TRPM3: variants seen among roughly 807,000 people sequenced by gnomAD.
TRPM3 encodes transient receptor potential cation channel subfamily M member 3, also known as long transient receptor potential channel 3.
TRPM3 carries 77 observed loss-of-function variants against 181.2 expected under a neutral mutation model. That is an observed-to-expected ratio of 0.42 (90% CI 0.35 to 0.51). TRPM3 has a LOEUF of 0.51. Ranked by LOEUF, TRPM3 falls within the 20% of genes least tolerant of loss-of-function variation. TRPM3 has a pLI of 0.01. For synonymous variants in TRPM3, 745 were observed against 796.4 expected, an observed-to-expected ratio of 0.94 and a Z score of 1.09; for missense variants, 1,759 against 2,196.7, an observed-to-expected ratio of 0.80 and a Z score of 3.98.
At position 70,531,246 on chromosome 9, in the gene TRPM3, A is replaced by G. The variant is rs938853433; in HGVS notation, c.*4707T>C. 1.4e-4 allele frequency: 22 copies of G among 152,212 alleles called. No homozygotes were observed. Among genetic ancestry groups the G allele is most frequent in the African/African-American group, 4.8e-4 (20 of 41,442 alleles). 9.4% of individuals were successfully genotyped at this position (152,212 alleles called of 1,614,324 possible). On this transcript the variant is annotated 3_prime_UTR_variant, in exon 26 of 26. Transcript: ENST00000677713. ...CCACCTCTGGGTCCCATGGCTATAC[A>G]ACCTGCAGTTAATACTTTATTTCAT...
chr9:70,832,258 A>G (rs542897703), intron 5 of TRPM3, among the ~76,000 whole-genome samples: 159 of 151,416 alleles, frequency 1.1e-3, no homozygotes, highest in Non-Finnish European at 2.0e-3. Flanking sequence ...TAACCTGCAC[A>G]TTGTGCACAT....
intron 3 of TRPM3, among the ~76,000 whole-genome samples, chr9:70,859,538 TGTA>T (rs1270298662): frequency 1.3e-5 from 2 of 152,214 alleles, no homozygotes; most frequent in African/African-American, 4.8e-5. Flanking sequence ...GTACCAGCGA[TGTA>T]GTAGATGTTC....
At chr9:70,780,472 T>C (rs2082226791) in intron 7 of TRPM3, among the ~76,000 whole-genome samples, 1 of 152,164 alleles carries the variant, frequency 6.6e-6, no homozygotes. Flanking sequence ...TCCAACACTG[T>C]TGGACTTTAT....
Position 71,198,122 on chromosome 9 carries a change from A to G in TRPM3, c.183+248531T>C, listed in dbSNP as rs894573620. Reference sequence around the variant, plus strand: ...CAGTCTTCCCAGCACCATTTATTAAATAGGGAATCCTTTCCCCATTGCTTG... The same window carrying G: ...CAGTCTTCCCAGCACCATTTATTAAGTAGGGAATCCTTTCCCCATTGCTTG... On this transcript the variant is annotated intron_variant, in intron 1 of 24. Coordinates refer to the TRPM3 transcript ENST00000357533. Among the ~76,000 whole-genome samples, 1,081 of 150,192 alleles carry G rather than the reference A, an allele frequency of 7.2e-3. 15 individuals are homozygous for G. The highest frequency in any genetic ancestry group is 0.025 in the African/African-American group (1,009 of 40,932).
chr9:71,347,233 T>C (rs750425592), intron 1 of TRPM3, among the ~76,000 whole-genome samples: 12 of 152,190 alleles, frequency 7.9e-5, no homozygotes, highest in Non-Finnish European at 1.0e-4. Flanking sequence ...TGATAGCAAA[T>C]GTAAAAATGT....
At chr9:71,325,707 C>A (rs1292571127) in intron 1 of TRPM3, among the ~76,000 whole-genome samples, 1 of 152,076 alleles carries the variant, frequency 6.6e-6, no homozygotes, top group Non-Finnish European at 1.5e-5. Flanking sequence ...TCCCTTCTTT[C>A]TTCTCAACGA....
At chr9:70,857,530 A>G (rs2095417776) in intron 3 of TRPM3, among the ~76,000 whole-genome samples, 1 of 152,174 alleles carries the variant, frequency 6.6e-6, no homozygotes, top group African/African-American at 2.4e-5. Context: ...TTCCTTATCA[A>G]TAGCTAGAAA....
intron 1 of TRPM3, among the ~76,000 whole-genome samples, chr9:71,236,025 T>C (rs1358056735): frequency 1.3e-5 from 2 of 152,228 alleles, no homozygotes; most frequent in South Asian, 2.1e-4. Flanking sequence ...TTTGTACCTA[T>C]GGTGGTAACA....
At chr9:71,208,308 G>A (rs1165185524) in intron 1 of TRPM3, among the ~76,000 whole-genome samples, 2 of 152,108 alleles carry the variant, frequency 1.3e-5, no homozygotes, top group Non-Finnish European at 2.9e-5. Flanking sequence ...AGTACAACTT[G>A]CTGCAGTTTT....
intron 1 of TRPM3, among the ~76,000 whole-genome samples, chr9:71,198,779 C>T (rs1182580265): frequency 1.7e-4 from 26 of 148,982 alleles, no homozygotes; most frequent in African/African-American, 4.2e-4. Context: ...TGGGCTGAGA[C>T]GATGGGGTTT....
chr9:70,791,876 T>C (rs1262278767), intron 6 of TRPM3, among the ~76,000 whole-genome samples: 1 of 152,230 alleles, frequency 6.6e-6, no homozygotes, highest in Non-Finnish European at 1.5e-5. Context: ...TTCTCAGTGC[T>C]CGAGGCATTT....
intron 1 of TRPM3, among the ~76,000 whole-genome samples, chr9:71,219,975 C>T (rs984521971): frequency 2.0e-5 from 3 of 152,144 alleles, no homozygotes; most frequent in African/African-American, 7.2e-5. Flanking sequence ...CCATGCCCCC[C>T]AATCCTCACC....
intron 1 of TRPM3, among the ~76,000 whole-genome samples, chr9:71,025,375 C>T (rs2134573628): frequency 6.6e-6 from 1 of 152,300 alleles, no homozygotes; most frequent in East Asian, 1.9e-4. Context: ...ATAACAACAG[C>T]TGTGAAGAAC....
intron 1 of TRPM3, among the ~76,000 whole-genome samples, chr9:70,899,288 G>T (rs188429164): frequency 2.3e-4 from 35 of 152,310 alleles, no homozygotes; most frequent in Non-Finnish European, 4.4e-5. Flanking sequence ...TCCTGGAAGT[G>T]ATCTTACTGT....
intron 22 of TRPM3, chr9:70,579,543 C>T (rs923356347): frequency 1.3e-5 from 2 of 152,144 alleles, no homozygotes; most frequent in Non-Finnish European, 2.9e-5. Context: ...TCATTCCTCT[C>T]CTCTCTTCCT....
chr9:71,187,679 T>C (rs1047645437), intron 1 of TRPM3, among the ~76,000 whole-genome samples: 1 of 151,886 alleles, frequency 6.6e-6, no homozygotes, highest in Non-Finnish European at 1.5e-5. Context: ...ACTCAAACAA[T>C]ACAGAAGATT....
intron 1 of TRPM3, among the ~76,000 whole-genome samples, chr9:71,284,455 T>C (rs1273836162): frequency 2.0e-5 from 3 of 152,234 alleles, no homozygotes. Flanking sequence ...ATCTGTCTAA[T>C]GGCCTAGGAG....
chr9:71,007,535 T>G (rs1193952258), intron 1 of TRPM3, among the ~76,000 whole-genome samples: 1 of 152,048 alleles, frequency 6.6e-6, no homozygotes, highest in Admixed American at 6.6e-5. Flanking sequence ...GCTGACCACA[T>G]GGAATAAAAC....
At chr9:71,330,978 C>A (rs1366653612) in intron 1 of TRPM3, among the ~76,000 whole-genome samples, 1 of 151,772 alleles carries the variant, frequency 6.6e-6, no homozygotes, top group African/African-American at 2.4e-5. Context: ...TTTTGTGTAT[C>A]TTTAAATGAC....
Sources: allele counts gnomAD v4.1 joint callset (sites outside exome capture counted in the v4.1 genomes callset), GRCh38; gene constraint gnomAD v4.1.1; transcripts MANE v1.5; gene names NCBI Gene and HGNC (gene_info 2026-07-23, HGNC 2026-07-21).